ITPR3: variants seen among roughly 807,000 people sequenced by gnomAD.
ITPR3 encodes inositol 1,4,5-trisphosphate receptor type 3, also known as inositol 1,4,5-trisphosphate-gated calcium channel ITPR3.
ITPR3 carries 173 observed loss-of-function variants against 293.2 expected under a neutral mutation model. The ratio of observed to expected loss-of-function variants is 0.59; its 90% confidence interval spans 0.52 to 0.67. ITPR3 has a LOEUF of 0.67. Ranked by LOEUF, ITPR3 falls within the 30% of genes least tolerant of loss-of-function variation. ITPR3 has a pLI of 0.00. For synonymous variants in ITPR3, 1,295 were observed against 1,444.4 expected, an observed-to-expected ratio of 0.90 and a Z score of 2.35; for missense variants, 2,796 against 3,592.1, an observed-to-expected ratio of 0.78 and a Z score of 5.66.
At chr6:33,648,152 A>C (rs1217740450) in intron 2 of ITPR3, among the ~76,000 whole-genome samples, 1 of 145,922 alleles carries the variant, frequency 6.9e-6, no homozygotes, top group African/African-American at 2.6e-5. Flanking sequence ...TGCAGCCTTG[A>C]CCTCCCAGGC....
At chr6:33,659,610 T>A in intron 7 of ITPR3, 61 bp downstream of exon 7, 1 of 1,399,576 alleles carries the variant, frequency 7.1e-7, no homozygotes, top group Non-Finnish European at 1.0e-6. Flanking sequence ...ACCAGGGCCC[T>A]CTTCCTGCCT....
Position 33,682,305 on chromosome 6 carries a change from C to T in ITPR3, c.4477-219C>T, listed in dbSNP as rs1276023135. ...CAGCAACATGGCTATGAGCCCACGG[C>T]CTTGGTGAGTTACAGGGCTGCCGTG... On this transcript the variant is annotated intron_variant, in intron 33 of 57. Coordinates refer to ENST00000605930, the MANE Select transcript of ITPR3 (RefSeq NM_002224.4). This position sits in a 1 kb window ranked among gnomAD's most constrained non-coding sequence, Gnocchi z 5.4. Among the ~76,000 whole-genome samples, 10 of 152,214 alleles carry T rather than the reference C, an allele frequency of 6.6e-5. No individual in the cohort carries two copies. Among genetic ancestry groups the T allele is most frequent in the Non-Finnish European group, 1.5e-5 (1 of 68,032 alleles).
At position 33,692,730 on chromosome 6, in the gene ITPR3, GTC is replaced by G. The variant is rs1457767789; in HGVS notation, c.7467_7468del (p.Phe2490ProfsTer7). On this transcript the variant is annotated frameshift_variant, in exon 55 of 58. Coordinates refer to ENST00000605930, the MANE Select transcript of ITPR3 (RefSeq NM_002224.4). LOFTEE classifies it high-confidence loss of function. This position sits in a 1 kb window ranked among gnomAD's most constrained non-coding sequence, Gnocchi z 4.2. ...DILRKPSKDE[S>X]LFPARVVYDL... ...CCTCCCTGCCTCATCCCCTGCAGGAGTCTCTCTTCCCAGCCCGAGTGGTCTAT... is the reference window on the plus strand; with the variant it reads ...CCTCCCTGCCTCATCCCCTGCAGGAGTCTCTTCCCAGCCCGAGTGGTCTAT... The G allele has an allele frequency of 4.3e-6, 7 of 1,613,906 alleles. No individual in the cohort carries two copies. The highest frequency in any genetic ancestry group is 1.3e-5 in the African/African-American group (1 of 74,914).
chr6:33,636,149 A>G (rs1333783543), intron 1 of ITPR3, among the ~76,000 whole-genome samples: 4 of 129,362 alleles, frequency 3.1e-5, no homozygotes, highest in African/African-American at 1.0e-4. Context: ...AAAAAAAAAA[A>G]AAATTAGCTG....
At chr6:33,673,815 T>C (rs1764834536) in intron 23 of ITPR3, 95 bp downstream of exon 23, 2 of 1,427,140 alleles carry the variant, frequency 1.4e-6, no homozygotes, top group East Asian at 4.6e-5. Flanking sequence ...CTGCTCCTTT[T>C]TCTAGTCTGC....
rs1011180506 is a variant in ITPR3, at chr6:33,693,017, G to C, written c.7624+124G>C. ...CCTGGCCCGGAGCTGATGACTTGAT[G>C]CATTTGCTCATCCCAGAACTGGGGA... On this transcript the variant is annotated intron_variant, in intron 55 of 57. Coordinates refer to ENST00000605930, the MANE Select transcript of ITPR3 (RefSeq NM_002224.4). 8 of 914,438 alleles carry C rather than the reference G, an allele frequency of 8.7e-6. No homozygotes were observed. In the African/African-American group the frequency reaches 1.2e-4, roughly 13 times the overall value. 56.6% of individuals were successfully genotyped at this position (914,438 alleles called of 1,614,324 possible).
intron 3 of ITPR3, among the ~76,000 whole-genome samples, chr6:33,657,698 C>T (rs537579155): frequency 6.6e-6 from 1 of 151,864 alleles, no homozygotes; most frequent in East Asian, 1.9e-4. Context: ...GGATTTGGCT[C>T]CCTGGGCTGT....
Position 33,680,684 on chromosome 6 carries a change from A to G in ITPR3, c.4476+4A>G. 3 of 1,609,866 alleles carry G rather than the reference A, an allele frequency of 1.9e-6. No homozygotes were observed. The highest frequency in any genetic ancestry group is 2.5e-6 in the Non-Finnish European group (3 of 1,176,526). On this transcript the variant is annotated splice_donor_region_variant and intron_variant, in intron 33 of 57. Transcript: ENST00000605930. ...TGAGAACAGCACTTCCCTGCAGGTG[A>G]GCTTCTCCTCTCCCACCACCCCAGG...
chr6:33,665,018 G>A (rs1019694471), intron 12 of ITPR3, 35 bp from the exon 13 acceptor site: 2 of 1,613,440 alleles, frequency 1.2e-6, no homozygotes, highest in Non-Finnish European at 1.7e-6. Context: ...GCCGGAGCTT[G>A]TTCCCAGGTG....
At position 33,690,098 on chromosome 6, in the gene ITPR3, A is replaced by G. The variant is rs1469143740; in HGVS notation, c.6932A>G (p.Tyr2311Cys). Residue 2311 changes from tyrosine (Y) to cysteine (C), a missense_variant, in exon 51 of 58, where the codon TAT becomes TGT. Coordinates refer to ENST00000605930, the MANE Select transcript of ITPR3 (RefSeq NM_002224.4). The stretch of plus-strand genomic sequence containing the variant: ...AACCGTGGCACCTTCATCCGGGGCT[A>G]TAAGGCCATGGTCATGGACATGGAA... The part of the protein sequence containing the change: ...VGNRGTFIRG[Y>C]KAMVMDMEFL... 4.3e-6 allele frequency: 7 copies of G among 1,614,184 alleles called. No homozygotes were observed. The highest frequency in any genetic ancestry group is 2.2e-5 in the East Asian group (1 of 44,884).
rs560478001 is a variant in ITPR3 at position 33,638,065 on chromosome 6, G to T, written c.90-2419G>T. ...CTTTCGCCCAGGCTGAAGTGCAGTGGCGTGATCTCGGCTCACCACAACCTC... is the reference window on the plus strand; with the variant it reads ...CTTTCGCCCAGGCTGAAGTGCAGTGTCGTGATCTCGGCTCACCACAACCTC... On this transcript the variant is annotated intron_variant, in intron 1 of 57. Coordinates refer to ENST00000605930, the MANE Select transcript of ITPR3 (RefSeq NM_002224.4). The surrounding 1 kb of genome is among the most constrained non-coding windows in gnomAD (Gnocchi z 4.3). 6.6e-6 allele frequency among the ~76,000 whole-genome samples: 1 copy of T among 151,844 alleles called. No homozygotes were observed. The highest frequency in any genetic ancestry group is 1.9e-4 in the East Asian group (1 of 5,138).
Position 33,663,886 on chromosome 6 carries a change from T to C in ITPR3, c.1148+6T>C. The stretch of plus-strand genomic sequence containing the variant: ...ACCGACTCTTTCGTGCCCCGGTGGG[T>C]ATGCGCCATGTGCCTGGGAGTTGAC... On this transcript the variant is annotated splice_donor_region_variant and intron_variant, in intron 11 of 57. Transcript: ENST00000605930. 5 of 1,613,944 alleles carry C rather than the reference T, an allele frequency of 3.1e-6. No homozygotes were observed. Among genetic ancestry groups the C allele is most frequent in the Non-Finnish European group, 4.2e-6 (5 of 1,179,954 alleles).
Position 33,691,455 on chromosome 6 carries a change from C to T in ITPR3, c.7226-160C>T, listed in dbSNP as rs900689713. Among the ~76,000 whole-genome samples, 19 of 152,226 alleles carry T rather than the reference C, an allele frequency of 1.2e-4. No individual in the cohort carries two copies. The highest frequency in any genetic ancestry group is 1.2e-3 in the Admixed American group (18 of 15,302). ...CCCTGCCCTTAGTGTGCAACCCAGT[C>T]GGGGGCAGAAGCGTGATGACCCTTC... On this transcript the variant is annotated intron_variant, in intron 52 of 57. Coordinates refer to ENST00000605930, the MANE Select transcript of ITPR3 (RefSeq NM_002224.4). This position sits in a 1 kb window ranked among gnomAD's most constrained non-coding sequence, Gnocchi z 4.9.
chr6:33,678,140 C>T (rs1296127459), intron 28 of ITPR3, among the ~76,000 whole-genome samples: 1 of 152,166 alleles, frequency 6.6e-6, no homozygotes, highest in Non-Finnish European at 1.5e-5. Context: ...TGACCCTCAG[C>T]CCCTTGCCAT....
chr6:33,637,691 C>T (rs565783756), intron 1 of ITPR3, among the ~76,000 whole-genome samples: 174 of 150,806 alleles, frequency 1.2e-3, no homozygotes, highest in Non-Finnish European at 2.3e-3. Flanking sequence ...TGCAGTGACT[C>T]GATCTCGGCT....
rs1765152142 is a variant in ITPR3, at chr6:33,683,976, G to C, written c.4789-44G>C. The C allele has an allele frequency of 1.3e-6, 2 of 1,555,276 alleles. No homozygotes were observed. The highest frequency in any genetic ancestry group is 2.0e-4 in the Middle Eastern group (1 of 5,100). On this transcript the variant is annotated intron_variant, in intron 35 of 57. Transcript: ENST00000605930. The surrounding 1 kb of genome is among the most constrained non-coding windows in gnomAD (Gnocchi z 4.5). The stretch of plus-strand genomic sequence containing the variant: ...TCGGAGGAATGGCAGTCACACCCGG[G>C]TCATTTCTTGGGCCTGGCAATGACT...
At chr6:33,669,252 C>A in intron 18 of ITPR3, 96 bp downstream of exon 18, 1 of 1,299,842 alleles carries the variant, frequency 7.7e-7, no homozygotes, top group Non-Finnish European at 1.1e-6. Flanking sequence ...GCTCTGACAG[C>A]CTCAGGTGGG....
intron 21 of ITPR3, among the ~76,000 whole-genome samples, chr6:33,671,744 C>G (rs1764773412): frequency 6.6e-6 from 1 of 152,136 alleles, no homozygotes; most frequent in Non-Finnish European, 1.5e-5. Context: ...TCCTCTCAGC[C>G]CCCAGGCTGT....
intron 7 of ITPR3, among the ~76,000 whole-genome samples, chr6:33,662,275 G>A (rs1185054929): frequency 6.6e-6 from 1 of 152,124 alleles, no homozygotes; most frequent in African/African-American, 2.4e-5. Context: ...AGGTGGTCCA[G>A]GGTGGGTTTG....
Sources: allele counts gnomAD v4.1 joint callset (sites outside exome capture counted in the v4.1 genomes callset), GRCh38; gene constraint gnomAD v4.1.1; non-coding constraint Gnocchi (gnomAD v3.1); transcripts MANE v1.5; gene names NCBI Gene and HGNC (gene_info 2026-07-23, HGNC 2026-07-21).